LRBA: variants seen among roughly 807,000 people sequenced by gnomAD.
LRBA encodes the protein lipopolysaccharide-responsive and beige-like anchor protein.
A neutral mutation model predicts 330.0 loss-of-function variants in LRBA; 176 were observed. The observed-to-expected ratio is 0.53, with a 90% CI of 0.47 to 0.60. The LOEUF is 0.60. Ranked by LOEUF, LRBA falls within the 20% of genes least tolerant of loss-of-function variation. The pLI is 0.00. For synonymous variants in LRBA, 1,230 were observed against 1,193.0 expected, an observed-to-expected ratio of 1.03 and a Z score of -0.64; for missense variants, 3,259 against 3,444.8, an observed-to-expected ratio of 0.95 and a Z score of 1.35.
chr4:150,460,498 A>C (rs1259920033), intron 44 of LRBA, among the ~76,000 whole-genome samples: 1 of 151,896 alleles, frequency 6.6e-6, no homozygotes, highest in East Asian at 1.9e-4. Context: ...AGGGCAATGT[A>C]AACTGCTAGG....
intron 35 of LRBA, among the ~76,000 whole-genome samples, chr4:150,740,632 A>G (rs1029375965): frequency 7.4e-6 from 1 of 135,510 alleles, no homozygotes; most frequent in Non-Finnish European, 1.6e-5. Flanking sequence ...CATGTCAAAC[A>G]GAAAGAATGG....
intron 30 of LRBA, among the ~76,000 whole-genome samples, chr4:150,820,485 T>C (rs539471402): frequency 2.6e-5 from 4 of 152,048 alleles, no homozygotes; most frequent in Non-Finnish European, 5.9e-5. Context: ...AAATTATTTA[T>C]ATACTACCAT....
At position 150,321,782 on chromosome 4, in the gene LRBA, A is replaced by G. The variant is rs144877502; in HGVS notation, c.7453-414T>C. ...TTTTAGCACTAAAAAAACAGTAAGA[A>G]TGGACAACAGGCATAAAAGCAAGAC... is the stretch of plus-strand genomic sequence containing the variant. On this transcript the variant is annotated intron_variant, in intron 49 of 56. Transcript: ENST00000651943. The surrounding 1 kb of genome is among the most constrained non-coding windows in gnomAD (Gnocchi z 4.5). 6.7e-4 allele frequency among the ~76,000 whole-genome samples: 102 copies of G among 152,296 alleles called. No individual in the cohort carries two copies. The highest frequency in any genetic ancestry group is 2.3e-3 in the African/African-American group (94 of 41,558).
intron 2 of LRBA, among the ~76,000 whole-genome samples, chr4:151,010,270 T>C (rs116192613): frequency 3.1e-4 from 47 of 152,308 alleles, no homozygotes; most frequent in Non-Finnish European, 5.3e-4. Context: ...TACCTTTAAA[T>C]ACCTGATGGA....
chr4:150,466,603 C>A (rs760970336), intron 44 of LRBA, among the ~76,000 whole-genome samples: 6 of 152,082 alleles, frequency 3.9e-5, no homozygotes, highest in Non-Finnish European at 7.4e-5. Flanking sequence ...AGGACCAACA[C>A]TGGGTCAGGG....
At chr4:150,327,040 GC>G (rs998186536) in intron 48 of LRBA, among the ~76,000 whole-genome samples, 8 of 152,112 alleles carry the variant, frequency 5.3e-5, no homozygotes, top group Non-Finnish European at 1.2e-4. Context: ...GAACCTGAAG[GC>G]TAAAGGTAGT....
At chr4:150,920,504 G>A (rs575157113) in intron 5 of LRBA, among the ~76,000 whole-genome samples, 84 of 152,158 alleles carry the variant, frequency 5.5e-4, no homozygotes, top group African/African-American at 1.9e-3. Context: ...AGCCGAGATC[G>A]CACCACTGCA....
At chr4:150,385,349 G>C (rs933949136) in intron 47 of LRBA, among the ~76,000 whole-genome samples, 4 of 151,948 alleles carry the variant, frequency 2.6e-5, no homozygotes, top group Non-Finnish European at 5.9e-5. Flanking sequence ...AGCCATAAAG[G>C]GGCGAATAGA....
In LRBA at chr4:150,435,708, C is replaced by A; in HGVS notation, c.6922G>T (p.Glu2308Ter). 2 of 1,591,776 alleles carry A rather than the reference C, an allele frequency of 1.3e-6. No individual in the cohort carries two copies. Among genetic ancestry groups the A allele is most frequent in the South Asian group, 1.2e-5 (1 of 86,620 alleles). Residue 2308 changes from glutamate (E) to a stop codon, truncating the protein, a stop_gained and splice_region_variant, in exon 46 of 57, where the codon GAA (glutamate) becomes TAA (stop). Coordinates refer to ENST00000651943, the MANE Select transcript of LRBA (RefSeq NM_001364905.1). LOFTEE classifies it high-confidence loss of function. ...SFVLAWLLRI[E>*]PFTTYFLNLQ... ...TTTAGGAAATAAGTTGTAAAGGGTTCCTAAAAAATAGCAATTAAAAAAATC... is the reference window on the plus strand; with the variant it reads ...TTTAGGAAATAAGTTGTAAAGGGTTACTAAAAAATAGCAATTAAAAAAATC...
intron 40 of LRBA, among the ~76,000 whole-genome samples, chr4:150,571,854 T>C (rs1173650272): frequency 1.3e-5 from 2 of 151,668 alleles, no homozygotes; most frequent in Non-Finnish European, 2.9e-5. Context: ...TTCTGTTTTA[T>C]TTCAATCTGT....
chr4:150,993,692 G>C (rs527253965), intron 2 of LRBA, among the ~76,000 whole-genome samples: 3 of 152,328 alleles, frequency 2.0e-5, no homozygotes, highest in Non-Finnish European at 4.4e-5. Context: ...AAGAGAAAAA[G>C]AGGAAGATGC....
At chr4:150,970,534 TGTGTGTGTGTGTGTGTGTGTGTACACAC>T (rs886377799) in intron 2 of LRBA, 8 of 40,254 alleles carry the variant, frequency 2.0e-4, no homozygotes, top group African/African-American at 4.3e-4. Context: ...TGTGTGTGTG[TGTGTGTGTGTGTGTGTGTGTGTACACAC>T]ACACACACAC....
At chr4:150,505,014 A>C (rs929424534) in intron 40 of LRBA, among the ~76,000 whole-genome samples, 1 of 152,354 alleles carries the variant, frequency 6.6e-6, no homozygotes, top group Admixed American at 6.5e-5. Flanking sequence ...TCAATTCAAC[A>C]AGAAGAGCTA....
chr4:150,688,377 T>A (rs1783812724), intron 36 of LRBA, among the ~76,000 whole-genome samples: 2 of 152,134 alleles, frequency 1.3e-5, no homozygotes, highest in South Asian at 4.1e-4. Flanking sequence ...GCAATGCCAT[T>A]CAGGACATAG....
chr4:150,796,419 A>G (rs1232675063), intron 34 of LRBA, among the ~76,000 whole-genome samples: 1 of 151,958 alleles, frequency 6.6e-6, no homozygotes. Context: ...CATCTTGTAG[A>G]GATGCCATGG....
At chr4:150,863,020 C>T (rs1288274161) in intron 22 of LRBA, among the ~76,000 whole-genome samples, 2 of 151,802 alleles carry the variant, frequency 1.3e-5, no homozygotes, top group Non-Finnish European at 2.9e-5. Context: ...ACATTCTAAC[C>T]GGGTGTGTGG....
chr4:150,830,757 C>CT (rs57178610), intron 29 of LRBA, among the ~76,000 whole-genome samples: 319 of 81,962 alleles, frequency 3.9e-3, no homozygotes, highest in Middle Eastern at 7.6e-3. Flanking sequence ...TACAGAGTTA[C>CT]TTTTTTTTTT....
At chr4:150,286,116 A>C in intron 53 of LRBA, 82 bp from the exon 54 acceptor site, 1 of 932,254 alleles carries the variant, frequency 1.1e-6, no homozygotes, top group Middle Eastern at 2.4e-4. Context: ...CCTAATTTCC[A>C]TCATGCCTAT....
chr4:150,474,895 A>C (rs1756542646), intron 42 of LRBA, among the ~76,000 whole-genome samples: 1 of 152,144 alleles, frequency 6.6e-6, no homozygotes, highest in Admixed American at 6.5e-5. Context: ...CAGTCTTTCA[A>C]CATTAAGTAT....
Sources: gnomAD v4.1 joint callset for allele counts (sites outside exome capture counted in the v4.1 genomes callset) on GRCh38, gnomAD v4.1.1 for gene constraint, Gnocchi (gnomAD v3.1) non-coding constraint, MANE v1.5 for transcripts, NCBI Gene and HGNC (gene_info 2026-07-23, HGNC 2026-07-21) for gene names.